The following PAPLN variants were observed in gnomAD, a reference collection of about 807,000 sequenced individuals.
PAPLN encodes papilin, proteoglycan like sulfated glycoprotein.
Under a neutral mutation model 159.0 loss-of-function variants are expected in PAPLN, and 146 were observed. The ratio of observed to expected loss-of-function variants is 0.92; its 90% CI spans 0.80 to 1.05. The LOEUF is 1.05. PAPLN is among the 50% of genes least tolerant of loss of function. The pLI is 0.00. For synonymous variants in PAPLN, 734 were observed against 702.9 expected, an observed-to-expected ratio of 1.04 and a Z score of -0.70; for missense variants, 1,720 against 1,743.9, an observed-to-expected ratio of 0.99 and a Z score of 0.24.
rs374671706 is a variant in PAPLN, at chr14:73,259,486, C to T, written c.1926C>T (p.His642=). The T allele has an allele frequency of 4.4e-5, 71 of 1,607,102 alleles. No individual in the cohort carries two copies. In the African/African-American group the frequency reaches 8.4e-4, roughly 19 times the overall value. The change falls in exon 16 of 27, where the codon CAC becomes CAT. Residue 642 remains histidine (H), a synonymous_variant. Coordinates refer to ENST00000644200, the MANE Select transcript of PAPLN (RefSeq NM_001365906.3). ...HSPHGCCPDG[H]TASLGPQWQG... is the part of the protein sequence containing the mutation. Reference sequence around the variant, plus strand: ...CTCACGGGTGCTGCCCCGATGGCCACACGGCATCTCTCGGGCCTCAGTGGC... The same window carrying T: ...CTCACGGGTGCTGCCCCGATGGCCATACGGCATCTCTCGGGCCTCAGTGGC...
chr14:73,251,400 G>T, intron 7 of PAPLN, 86 bp from the exon 8 acceptor site: 1 of 1,367,356 alleles, frequency 7.3e-7, no homozygotes, highest in Non-Finnish European at 1.0e-6. Flanking sequence ...CCCCCATTCT[G>T]TGCTGTGTGG....
At chr14:73,244,583 A>G in intron 2 of PAPLN, 61 bp from the exon 3 acceptor site, 1 of 1,391,032 alleles carries the variant, frequency 7.2e-7, no homozygotes, top group East Asian at 2.5e-5. Context: ...GCATCTTTGG[A>G]GGGGCCTCTG....
Position 73,266,518 on chromosome 14 carries a change from A to C in PAPLN, c.3281A>C (p.Asp1094Ala). Residue 1094 changes from aspartate (D) to alanine (A), a missense_variant, in exon 24 of 27, where the codon GAT (aspartate) becomes GCT (alanine). Asp to Ala is a moderately radical substitution (Grantham distance 126). Coordinates refer to ENST00000644200, the MANE Select transcript of PAPLN (RefSeq NM_001365906.3). ...GTCCCCAGACACCAGCTGCAGCCTG[A>C]TGGCTCCCTGGTCATTAGCCGAGTG... ...VSSPRHQLQP[D>A]GSLVISRVAV... 1 of 1,614,036 alleles carries C rather than the reference A, an allele frequency of 6.2e-7. No individual in the cohort carries two copies. Among genetic ancestry groups the C allele is most frequent in the Non-Finnish European group, 8.5e-7 (1 of 1,179,970 alleles).
rs1884080392 is a variant in PAPLN at position 73,245,216 on chromosome 14, G to A, written c.171-420G>A. 2 of 215,620 alleles carry A rather than the reference G, an allele frequency of 9.3e-6. No individual in the cohort carries two copies. The highest frequency in any genetic ancestry group is 5.1e-5 in the Admixed American group (1 of 19,418). 13.4% of individuals were successfully genotyped at this position (215,620 alleles called of 1,614,324 possible). On this transcript the variant is annotated intron_variant, in intron 3 of 26. Transcript: ENST00000644200. The surrounding 1 kb of genome is among the most constrained non-coding windows in gnomAD (Gnocchi z 4.2). ...AGGAGTAGTGAGGTGCCTCTGTCCC[G>A]GTTTGTATAGGGGTTGTTCCTGAGA...
chr14:73,249,562 T>A (rs1305936628), intron 5 of PAPLN, among the ~76,000 whole-genome samples: 1 of 150,644 alleles, frequency 6.6e-6, no homozygotes, highest in Non-Finnish European at 1.5e-5. Context: ...TAGTCCCGGC[T>A]ACTAGGGGGG....
rs551760050 is a variant in PAPLN, at chr14:73,245,976, A to G, written c.232-97A>G. On this transcript the variant is annotated intron_variant, in intron 4 of 26. Transcript: ENST00000644200. The surrounding 1 kb of genome is among the most constrained non-coding windows in gnomAD (Gnocchi z 4.2). ...TCCGGCGGCTCCGATGGGGCAGGCA[A>G]GGGAGACTCCTGGGCTCCCTGGGCT... is the stretch of plus-strand genomic sequence containing the variant. 1.8e-5 allele frequency: 23 copies of G among 1,257,598 alleles called. No individual in the cohort carries two copies. The highest frequency in any genetic ancestry group is 2.8e-4 in the Middle Eastern group (1 of 3,616). 77.9% of individuals were successfully genotyped at this position (1,257,598 alleles called of 1,614,324 possible). A position where few individuals can be genotyped will look rare whatever the true frequency, so the allele number is the denominator to read the frequency against.
Position 73,251,799 on chromosome 14 carries a change from A to G in PAPLN, c.806A>G (p.His269Arg). ...AEGDLAPERL[H>R]ARGPTSEPLV... ...GGGGACCTGGCCCCTGAGCGACTCCATGCCCGGGGCCCCACCTCGGAGCCC... is the reference window on the plus strand; with the variant it reads ...GGGGACCTGGCCCCTGAGCGACTCCGTGCCCGGGGCCCCACCTCGGAGCCC... The change falls in exon 9 of 27, where the codon CAT becomes CGT. Residue 269 changes from histidine to arginine, a missense_variant. Coordinates refer to ENST00000644200, the MANE Select transcript of PAPLN (RefSeq NM_001365906.3). The G allele has an allele frequency of 6.2e-7, 1 of 1,603,932 alleles. No individual in the cohort carries two copies. Among genetic ancestry groups the G allele is most frequent in the Non-Finnish European group, 8.5e-7 (1 of 1,176,802 alleles).
intron 2 of PAPLN, among the ~76,000 whole-genome samples, chr14:73,240,711 A>G (rs1365620012): frequency 6.6e-6 from 1 of 152,210 alleles, no homozygotes; most frequent in Non-Finnish European, 1.5e-5. Flanking sequence ...CTGCTGTTTC[A>G]TTAACAGGGG....
Position 73,252,072 on chromosome 14 carries a change from C to T in PAPLN, c.898C>T (p.Arg300Cys), listed in dbSNP as rs916752546. 15 of 1,611,770 alleles carry T rather than the reference C, an allele frequency of 9.3e-6. No individual in the cohort carries two copies. The highest frequency in any genetic ancestry group is 1.7e-5 in the Admixed American group (1 of 59,862). Residue 300 changes from arginine to cysteine, a missense_variant, in exon 10 of 27, where the codon CGC becomes TGC. Arg to Cys is a radical substitution (Grantham distance 180, BLOSUM62 -3). Coordinates refer to ENST00000644200, the MANE Select transcript of PAPLN (RefSeq NM_001365906.3). ...GCACTATGAGTACCACCTGCCCCTGCGCCGCCCCAGCCCCGGCTTCAGCTG... is the reference window on the plus strand; with the variant it reads ...GCACTATGAGTACCACCTGCCCCTGTGCCGCCCCAGCCCCGGCTTCAGCTG... ...GVHYEYHLPL[R>C]RPSPGFSWSH...
In PAPLN at chr14:73,252,086, C is replaced by T. The variant is rs375473976; in HGVS notation, c.912C>T (p.Pro304=). 131 of 1,611,214 alleles carry T rather than the reference C, an allele frequency of 8.1e-5. 1 individual carries two copies. Among genetic ancestry groups the T allele is most frequent in the East Asian group, 7.1e-4 (32 of 44,800 alleles). The part of the protein sequence containing the change: ...EYHLPLRRPS[P]GFSWSHGSWS... ...ACCTGCCCCTGCGCCGCCCCAGCCC[C>T]GGCTTCAGCTGGAGCCACGGCTCAT... The change falls in exon 10 of 27, where the codon CCC becomes CCT. Residue 304 remains proline (P), a synonymous_variant. Transcript: ENST00000644200.
chr14:73,259,671 C>T, intron 16 of PAPLN, 126 bp downstream of exon 16: 1 of 1,237,018 alleles, frequency 8.1e-7, no homozygotes, highest in Non-Finnish European at 1.1e-6. Flanking sequence ...AATAGGATGC[C>T]CAAGCTTTCC....
Position 73,265,275 on chromosome 14 carries a change from G to A in PAPLN, c.3126-95G>A. On this transcript the variant is annotated intron_variant, in intron 22 of 26. Coordinates refer to ENST00000644200, the MANE Select transcript of PAPLN (RefSeq NM_001365906.3). The surrounding 1 kb of genome is among the most constrained non-coding windows in gnomAD (Gnocchi z 4.1). ...TAGGAAGCTGAATCTGGCTGGAGAG[G>A]GAGAAGGGGCCACCAGGCTTGTGCA... 1 of 1,520,030 alleles carries A rather than the reference G, an allele frequency of 6.6e-7. No individual in the cohort carries two copies. The allele number at this position is 1,520,030 out of a possible 1,614,324, so 94.2% of individuals were successfully genotyped here. A position where few individuals can be genotyped will look rare whatever the true frequency, so the allele number is the denominator to read the frequency against.
At chr14:73,258,341 G>T (rs1450527738) in intron 14 of PAPLN, among the ~76,000 whole-genome samples, 1 of 152,096 alleles carries the variant, frequency 6.6e-6, no homozygotes, top group Non-Finnish European at 1.5e-5. Flanking sequence ...GGAGAAATGC[G>T]TAAGTTCTTT....
intron 16 of PAPLN, among the ~76,000 whole-genome samples, chr14:73,260,226 C>A (rs1000335493): frequency 6.6e-6 from 1 of 152,164 alleles, no homozygotes; most frequent in Non-Finnish European, 1.5e-5. Context: ...GGGTGAAGTG[C>A]ATCACAGCAT....
intron 2 of PAPLN, 71 bp downstream of exon 2, chr14:73,239,903 C>A: frequency 2.0e-6 from 3 of 1,481,270 alleles, no homozygotes; most frequent in South Asian, 1.3e-5. Context: ...CGCGGGCCCG[C>A]AGGCAACGTC....
intron 12 of PAPLN, 43 bp from the exon 13 acceptor site, chr14:73,254,470 T>TG (rs756439771): frequency 1.4e-5 from 23 of 1,603,368 alleles, no homozygotes; most frequent in African/African-American, 2.7e-5. Context: ...GCGTGGCTCC[T>TG]GGGGGCAAGG....
At chr14:73,268,060 G>A (rs531575672) in intron 25 of PAPLN, among the ~76,000 whole-genome samples, 11 of 151,712 alleles carry the variant, frequency 7.3e-5, no homozygotes, top group Admixed American at 2.6e-4. Flanking sequence ...CAGTCTTTAC[G>A]TGACCTGTAG....
At chr14:73,254,411 T>C (rs1050280712) in intron 12 of PAPLN, 102 bp from the exon 13 acceptor site, 188 of 1,423,042 alleles carry the variant, frequency 1.3e-4, no homozygotes, top group Non-Finnish European at 1.8e-4. Flanking sequence ...GGCAGTTGGG[T>C]GCTATCTGCC....
chr14:73,251,279 TC>T (rs1359732732), intron 7 of PAPLN, among the ~76,000 whole-genome samples: 1 of 152,160 alleles, frequency 6.6e-6, no homozygotes, highest in Non-Finnish European at 1.5e-5. Flanking sequence ...CCCAGTGTGC[TC>T]CGGGTGCCCT....
Sources: allele counts gnomAD v4.1 joint callset (sites outside exome capture counted in the v4.1 genomes callset), GRCh38; gene constraint gnomAD v4.1.1; non-coding constraint Gnocchi (gnomAD v3.1); transcripts MANE v1.5; gene names NCBI Gene and HGNC (gene_info 2026-07-23, HGNC 2026-07-21).